The following OR6P1 variants were observed in gnomAD, a reference collection of about 807,000 sequenced individuals.
OR6P1 encodes the protein olfactory receptor 6P1.
Under a neutral mutation model 6.6 loss-of-function variants are expected in OR6P1, and 5 were observed. The observed-to-expected ratio is 0.76, with a 90% CI of 0.40 to 1.60. The LOEUF is 1.60. Ranked by LOEUF, OR6P1 falls within the 40% of genes most tolerant of loss-of-function variation. The pLI is 0.02. For missense variants in OR6P1, 451 were observed against 383.0 expected, an observed-to-expected ratio of 1.18 and a Z score of -1.48; for synonymous variants, 177 against 149.6, an observed-to-expected ratio of 1.18 and a Z score of -1.33.
rs1206602959 is a variant in OR6P1 at position 158,570,573 on chromosome 1, G to T, written c.-249C>A. On this transcript the variant is annotated 5_prime_UTR_variant, in exon 1 of 3. Coordinates refer to ENST00000641540, the MANE Select transcript of OR6P1 (RefSeq NM_001160325.2). ...TAACTTTTGCCTCTGGGCAGGTATG[G>T]TTTGCCCTAGAAACTCTTCAATAAA... The T allele has an allele frequency of 6.6e-6, 1 of 152,154 alleles. No individual in the cohort carries two copies. The highest frequency in any genetic ancestry group is 1.5e-5 in the Non-Finnish European group (1 of 68,048). The allele number at this position is 152,154 out of a possible 1,614,324, so 9.4% of individuals were successfully genotyped here.
rs774845801 is a variant in OR6P1, at chr1:158,562,787, A to G, written c.818T>C (p.Ile273Thr). Residue 273 changes from isoleucine (I) to threonine (T), a missense_variant, in exon 3 of 3, where the codon ATT becomes ACT. Ile to Thr is a moderately conservative substitution (Grantham distance 89, BLOSUM62 -1). Transcript: ENST00000641540. ...AATGATAGTGTAGAGCACAGAGATAATCTTGTTGTGGTTGAAGGTGTACAT... is the reference window on the plus strand; with the variant it reads ...AATGATAGTGTAGAGCACAGAGATAGTCTTGTTGTGGTTGAAGGTGTACAT... The part of the protein sequence containing the change: ...RAMYTFNHNK[I>T]ISVLYTIIVP... 1 of 1,552,438 alleles carries G rather than the reference A, an allele frequency of 6.4e-7. No individual in the cohort carries two copies. Among genetic ancestry groups the G allele is most frequent in the South Asian group, 1.2e-5 (1 of 84,054 alleles).
rs2101715370 is a variant in OR6P1 at position 158,562,302 on chromosome 1, GA to G, written c.*348del. On this transcript the variant is annotated 3_prime_UTR_variant, in exon 3 of 3. Coordinates refer to ENST00000641540, the MANE Select transcript of OR6P1 (RefSeq NM_001160325.2). ...AATAATGGGCTTGGTCTAGACTAGG[GA>G]ATCCCAAACTGTCTATGAAATAGGA... 4.3e-6 allele frequency: 1 copy of G among 234,862 alleles called. No individual in the cohort carries two copies. Among genetic ancestry groups the G allele is most frequent in the African/African-American group, 2.3e-5 (1 of 42,596 alleles). 14.5% of individuals were successfully genotyped at this position (234,862 alleles called of 1,614,324 possible).
chr1:158,564,632 T>G (rs996034908), intron 2 of OR6P1, among the ~76,000 whole-genome samples: 1 of 152,176 alleles, frequency 6.6e-6, no homozygotes, highest in Non-Finnish European at 1.5e-5. Context: ...GAAGAATTTC[T>G]CAAGAGCCTC....
At chr1:158,564,137 C>T (rs145244751) in intron 2 of OR6P1, among the ~76,000 whole-genome samples, 1 of 152,188 alleles carries the variant, frequency 6.6e-6, no homozygotes, top group Admixed American at 6.5e-5. Context: ...GAAAAATATT[C>T]ATTTCCAAAT....
intron 2 of OR6P1, 137 bp from the exon 3 acceptor site, chr1:158,563,763 G>T (rs917501596): frequency 1.7e-6 from 1 of 571,734 alleles, no homozygotes; most frequent in South Asian, 2.5e-5. Flanking sequence ...TCACTTTGCT[G>T]TTTTTTCTCT....
At chr1:158,570,143 C>T (rs1257303339) in intron 1 of OR6P1, among the ~76,000 whole-genome samples, 1 of 152,204 alleles carries the variant, frequency 6.6e-6, no homozygotes, top group Non-Finnish European at 1.5e-5. Flanking sequence ...CTTTCCCACA[C>T]ATATTTTCCT....
Position 158,561,600 on chromosome 1 carries a change from G to A in OR6P1, c.*1051C>T, listed in dbSNP as rs889209141. The A allele has an allele frequency of 2.6e-5, 4 of 152,136 alleles. No homozygotes were observed. The highest frequency in any genetic ancestry group is 5.9e-5 in the Non-Finnish European group (4 of 68,014). 9.4% of individuals were successfully genotyped at this position (152,136 alleles called of 1,614,324 possible). ...ATAATCATTGAATTTGGTTCAATATGCAGAAATTTGTGTAAATGAGCCTAG... is the reference window on the plus strand; with the variant it reads ...ATAATCATTGAATTTGGTTCAATATACAGAAATTTGTGTAAATGAGCCTAG... On this transcript the variant is annotated 3_prime_UTR_variant, in exon 3 of 3. Transcript: ENST00000641540.
rs1295740777 is a variant in OR6P1, at chr1:158,561,266, T to G, written c.*1385A>C. The G allele has an allele frequency of 6.6e-6, 1 of 152,162 alleles. No homozygotes were observed. The highest frequency in any genetic ancestry group is 1.5e-5 in the Non-Finnish European group (1 of 68,020). The allele number at this position is 152,162 out of a possible 1,614,324, so 9.4% of individuals were successfully genotyped here. A position where few individuals can be genotyped will look rare whatever the true frequency, so the allele number is the denominator to read the frequency against. ...ATAATTCTATGAAAGGAGAGGAGAA[T>G]GTAATGTAAATTGAGCTATGTTCAG... On this transcript the variant is annotated 3_prime_UTR_variant, in exon 3 of 3. Transcript: ENST00000641540.
intron 1 of OR6P1, among the ~76,000 whole-genome samples, chr1:158,569,434 G>T (rs556605670): frequency 6.6e-6 from 1 of 152,270 alleles, no homozygotes; most frequent in African/African-American, 2.4e-5. Flanking sequence ...CTGTGCATAG[G>T]TATATCCCAC....
chr1:158,565,336 G>T (rs1222264232), intron 2 of OR6P1, among the ~76,000 whole-genome samples: 4 of 152,076 alleles, frequency 2.6e-5, no homozygotes, highest in African/African-American at 9.7e-5. Flanking sequence ...CTATGGTAAT[G>T]ATATCCACTG....
At chr1:158,567,026 A>T (rs554621826) in intron 1 of OR6P1, among the ~76,000 whole-genome samples, 168 bp from the exon 2 acceptor site, 2 of 152,228 alleles carry the variant, frequency 1.3e-5, no homozygotes, top group African/African-American at 4.8e-5. Context: ...TTATGCAGCC[A>T]AAAGACACAT....
chr1:158,562,979 A>G lies in OR6P1; in HGVS notation c.626T>C (p.Leu209Pro). The change falls in exon 3 of 3, where the codon CTC becomes CCC. Residue 209 changes from leucine to proline, a missense_variant. Transcript: ENST00000641540. ...TGATGAAACCACAGCCAATAGAGGG[A>G]GTAGAATCATCACCAGGGCCAGAAG... ...DFLLALVMIL[L>P]PLLAVVSSYT... 1 of 1,551,682 alleles carries G rather than the reference A, an allele frequency of 6.4e-7. No homozygotes were observed. Among genetic ancestry groups the G allele is most frequent in the Non-Finnish European group, 8.7e-7 (1 of 1,146,988 alleles).
chr1:158,568,133 A>C (rs554814399), intron 1 of OR6P1, among the ~76,000 whole-genome samples: 92 of 152,288 alleles, frequency 6.0e-4, no homozygotes, highest in African/African-American at 2.0e-3. Context: ...ATTGTCCACC[A>C]GAAATTGTCT....
rs1307830503 is a variant in OR6P1, at chr1:158,561,730, A to G, written c.*921T>C. The stretch of plus-strand genomic sequence containing the variant: ...TCAGGCTATGAACCTGAGACATCCC[A>G]ATTGCCATAGAGATATCTGCATCCT... On this transcript the variant is annotated 3_prime_UTR_variant, in exon 3 of 3. Transcript: ENST00000641540. 6.6e-6 allele frequency: 1 copy of G among 152,196 alleles called. No individual in the cohort carries two copies. Among genetic ancestry groups the G allele is most frequent in the East Asian group, 1.9e-4 (1 of 5,202 alleles). 9.4% of individuals were successfully genotyped at this position (152,196 alleles called of 1,614,324 possible).
rs1289043842 is a variant in OR6P1 at position 158,562,690 on chromosome 1, C to T, written c.915G>A (p.Val305=). ...CCCTAGGATAGTGACATCTGCCCAT[C>T]ACTGTCTTCCTGAAGGCCTCCTTCA... is the stretch of plus-strand genomic sequence containing the variant. ...KEVKEAFRKT[V]MGRCHYPRDV... is the part of the protein sequence containing the mutation. The change falls in exon 3 of 3, where the codon GTG becomes GTA. Residue 305 remains valine (V), a synonymous_variant. Coordinates refer to ENST00000641540, the MANE Select transcript of OR6P1 (RefSeq NM_001160325.2). The T allele has an allele frequency of 1.3e-6, 2 of 1,558,004 alleles. No individual in the cohort carries two copies. The highest frequency in any genetic ancestry group is 2.4e-5 in the South Asian group (2 of 84,378).
intron 1 of OR6P1, among the ~76,000 whole-genome samples, chr1:158,567,784 A>G (rs190935285): frequency 1.0e-5 from 1 of 95,656 alleles, no homozygotes; most frequent in African/African-American, 4.5e-5. Flanking sequence ...CCTAAAACTT[A>G]AAGTATAATA....
chr1:158,561,685 C>G lies in OR6P1; in HGVS notation c.*966G>C, dbSNP rs1254655811. On this transcript the variant is annotated 3_prime_UTR_variant, in exon 3 of 3. Transcript: ENST00000641540. ...AGTAACTTTCCAAAAATCAAAGGAA[C>G]TTGCTAGAATACCTATGATTCAGGC... 6.6e-6 allele frequency: 1 copy of G among 152,142 alleles called. No individual in the cohort carries two copies. The highest frequency in any genetic ancestry group is 1.9e-4 in the East Asian group (1 of 5,200). The allele number at this position is 152,142 out of a possible 1,614,324, so 9.4% of individuals were successfully genotyped here. A position where few individuals can be genotyped will look rare whatever the true frequency, so the allele number is the denominator to read the frequency against.
chr1:158,563,366 C>A lies in OR6P1; in HGVS notation c.239G>T (p.Arg80Leu), dbSNP rs539730699. 1 of 1,551,298 alleles carries A rather than the reference C, an allele frequency of 6.4e-7. No individual in the cohort carries two copies. The highest frequency in any genetic ancestry group is 1.4e-5 in the African/African-American group (1 of 73,042). The change falls in exon 3 of 3, where the codon CGG becomes CTG. Residue 80 changes from arginine (R) to leucine (L), a missense_variant. By Grantham distance (102) the Arg-to-Leu change is moderately radical. Coordinates refer to ENST00000641540, the MANE Select transcript of OR6P1 (RefSeq NM_001160325.2). Reference sequence around the variant, plus strand: ...CTGGGTAAGAAAGGCTGCCAAGAGCCGAGGAATGGTGACATTGATGTACCA... The same window carrying A: ...CTGGGTAAGAAAGGCTGCCAAGAGCAGAGGAATGGTGACATTGATGTACCA... ...ELWYINVTIPRLLAAFLTQDG... is the reference protein window; with the variant it reads ...ELWYINVTIPLLLAAFLTQDG...
rs1221871693 is a variant in OR6P1 at position 158,566,844 on chromosome 1, G to A, written c.-103C>T. 1 of 152,150 alleles carries A rather than the reference G, an allele frequency of 6.6e-6. No homozygotes were observed. Among genetic ancestry groups the A allele is most frequent in the Non-Finnish European group, 1.5e-5 (1 of 68,036 alleles). 9.4% of individuals were successfully genotyped at this position (152,150 alleles called of 1,614,324 possible). On this transcript the variant is annotated 5_prime_UTR_variant, in exon 2 of 3. Coordinates refer to ENST00000641540, the MANE Select transcript of OR6P1 (RefSeq NM_001160325.2). ...GAAGCAGCAAAAGAAACCACCATCA[G>A]CGTCAACAGGCAACCTACAGAATGG...
Sources: allele counts gnomAD v4.1 joint callset (sites outside exome capture counted in the v4.1 genomes callset), GRCh38; gene constraint gnomAD v4.1.1; transcripts MANE v1.5; gene names NCBI Gene and HGNC (gene_info 2026-07-23, HGNC 2026-07-21).